The following PHACTR1 variants were observed in gnomAD, a reference collection of about 807,000 sequenced individuals.
PHACTR1 encodes RPEL repeat containing 1.
In PHACTR1, 16 loss-of-function variants were observed where a neutral mutation model predicts 69.2. The ratio of observed to expected loss-of-function variants is 0.23; its 90% confidence interval spans 0.16 to 0.35. The LOEUF is 0.35. PHACTR1 is among the 10% of genes least tolerant of loss of function. PHACTR1 has a pLI of 1.00. For synonymous variants in PHACTR1, 312 were observed against 284.5 expected, an observed-to-expected ratio of 1.10 and a Z score of -0.97; for missense variants, 510 against 734.7, an observed-to-expected ratio of 0.69 and a Z score of 3.54.
At chr6:12,830,149 G>GA (rs1777370469) in intron 4 of PHACTR1, among the ~76,000 whole-genome samples, 2 of 112,762 alleles carry the variant, frequency 1.8e-5, no homozygotes, top group African/African-American at 5.5e-5. Context: ...AAGAAAGAAA[G>GA]AAAGAAAGAC....
chr6:13,088,933 T>A (rs1812759897), intron 5 of PHACTR1, among the ~76,000 whole-genome samples: 1 of 152,138 alleles, frequency 6.6e-6, no homozygotes, highest in South Asian at 2.1e-4. Flanking sequence ...AAAAAGAGGG[T>A]GCCAGTTATA....
At chr6:12,911,041 G>A (rs1786324890) in intron 4 of PHACTR1, among the ~76,000 whole-genome samples, 1 of 152,170 alleles carries the variant, frequency 6.6e-6, no homozygotes, top group Non-Finnish European at 1.5e-5. Context: ...AGATGGTGAG[G>A]AACAGTCCCC....
chr6:12,917,568 C>T (rs1787151067), intron 4 of PHACTR1, among the ~76,000 whole-genome samples: 1 of 152,082 alleles, frequency 6.6e-6, no homozygotes, highest in Admixed American at 6.5e-5. Context: ...GCCTGGGCAA[C>T]AAAATGAGGC....
rs57064391 is a variant in PHACTR1 at position 13,063,610 on chromosome 6, CA to C, written c.415+10094del. On this transcript the variant is annotated intron_variant, in intron 5 of 14. Transcript: ENST00000332995. Reference sequence around the variant, plus strand: ...GCAACACAGAAAGAGCCCATTACCACAAAAAAAAAAAAATTAAAAATTAGCT... The same window carrying C: ...GCAACACAGAAAGAGCCCATTACCACAAAAAAAAAAAATTAAAAATTAGCT... 4.1e-3 allele frequency among the ~76,000 whole-genome samples: 583 copies of C among 141,726 alleles called. 2 individuals are homozygous for C. Among genetic ancestry groups the C allele is most frequent in the African/African-American group, 0.013 (493 of 37,984 alleles). The allele number at this position is 141,726 out of a possible 152,430, so 93.0% of individuals were successfully genotyped here.
chr6:13,253,522 T>C (rs902960235), intron 10 of PHACTR1, among the ~76,000 whole-genome samples: 2 of 152,266 alleles, frequency 1.3e-5, no homozygotes, highest in Admixed American at 6.5e-5. Flanking sequence ...CTCTCTTTAT[T>C]TGATCACTCT....
chr6:12,828,102 A>G (rs1025088697), intron 4 of PHACTR1, among the ~76,000 whole-genome samples: 2 of 152,198 alleles, frequency 1.3e-5, no homozygotes, highest in African/African-American at 4.8e-5. Flanking sequence ...AACCTTAACC[A>G]ATCCCAGTTG....
intron 3 of PHACTR1, among the ~76,000 whole-genome samples, chr6:12,743,297 T>C (rs1765318895): frequency 6.6e-6 from 1 of 152,206 alleles, no homozygotes; most frequent in South Asian, 2.1e-4. Context: ...TCTCCCACTT[T>C]TGCTAAAGAC....
At chr6:13,226,005 C>G (rs181076704) in intron 8 of PHACTR1, among the ~76,000 whole-genome samples, 1 of 152,204 alleles carries the variant, frequency 6.6e-6, no homozygotes, top group African/African-American at 2.4e-5. Flanking sequence ...GGCCATCTAT[C>G]GTGTACTTCA....
At chr6:12,767,662 A>G (rs1213664265) in intron 4 of PHACTR1, among the ~76,000 whole-genome samples, 5 of 152,170 alleles carry the variant, frequency 3.3e-5, no homozygotes. Context: ...ACATTTATGC[A>G]CAAAGATGGT....
chr6:13,133,759 G>A (rs879073634), intron 5 of PHACTR1, among the ~76,000 whole-genome samples: 19 of 149,854 alleles, frequency 1.3e-4, no homozygotes, highest in African/African-American at 3.9e-4. Flanking sequence ...GCCGCCCATC[G>A]TCTGGGATGT....
At chr6:12,773,205 G>A (rs1025422631) in intron 4 of PHACTR1, among the ~76,000 whole-genome samples, 1 of 152,134 alleles carries the variant, frequency 6.6e-6, no homozygotes, top group African/African-American at 2.4e-5. Flanking sequence ...TTAAAAAAAT[G>A]TTTGTATCTC....
At chr6:13,234,445 T>C (rs2127352886) in intron 10 of PHACTR1, among the ~76,000 whole-genome samples, 2 of 152,268 alleles carry the variant, frequency 1.3e-5, no homozygotes, top group East Asian at 3.9e-4. Context: ...TTGAAAAGCA[T>C]GTGGCCAAGT....
At chr6:12,780,568 AC>A (rs565978257) in intron 4 of PHACTR1, among the ~76,000 whole-genome samples, 21 of 152,286 alleles carry the variant, frequency 1.4e-4, no homozygotes, top group African/African-American at 4.8e-4. Context: ...GCTGCCATCT[AC>A]CTAAAGAATC....
intron 3 of PHACTR1, among the ~76,000 whole-genome samples, chr6:12,732,316 T>TG (rs368259168): frequency 0.025 from 3,746 of 151,078 alleles, 136 homozygotes; most frequent in African/African-American, 0.082. Flanking sequence ...AGATTTTTTT[T>TG]GGGGGTGCTG....
At chr6:13,165,210 A>G (rs530495668) in intron 6 of PHACTR1, among the ~76,000 whole-genome samples, 36 of 152,232 alleles carry the variant, frequency 2.4e-4, no homozygotes, top group Non-Finnish European at 7.3e-5. Context: ...TATAAAGAAC[A>G]CAACTTAAAT....
intron 10 of PHACTR1, among the ~76,000 whole-genome samples, chr6:13,234,181 C>T (rs1208191968): frequency 2.0e-5 from 3 of 152,194 alleles, no homozygotes; most frequent in Non-Finnish European, 4.4e-5. Context: ...AATCCAAGAA[C>T]CAAAAAGTGA....
chr6:12,948,792 C>T (rs1192807387), intron 4 of PHACTR1, among the ~76,000 whole-genome samples: 1 of 152,184 alleles, frequency 6.6e-6, no homozygotes, highest in Non-Finnish European at 1.5e-5. Flanking sequence ...CTCAAAGTTG[C>T]TCTCACATTC....
At chr6:13,113,990 C>T (rs1817435521) in intron 5 of PHACTR1, among the ~76,000 whole-genome samples, 1 of 152,038 alleles carries the variant, frequency 6.6e-6, no homozygotes, top group African/African-American at 2.4e-5. Context: ...CTAAGAAAAT[C>T]CAAAAAGAAA....
At chr6:12,862,953 A>G (rs1450858841) in intron 4 of PHACTR1, among the ~76,000 whole-genome samples, 1 of 152,252 alleles carries the variant, frequency 6.6e-6, no homozygotes, top group African/African-American at 2.4e-5. Flanking sequence ...GTTCCACCCC[A>G]GAGCTACCCC....
Sources: gnomAD v4.1 joint callset for allele counts (sites outside exome capture counted in the v4.1 genomes callset) on GRCh38, gnomAD v4.1.1 for gene constraint, MANE v1.5 for transcripts, NCBI Gene and HGNC (gene_info 2026-07-23, HGNC 2026-07-21) for gene names.